The following RPS6KC1 variants were observed in gnomAD, a reference collection of about 807,000 sequenced individuals.
The protein encoded by RPS6KC1 is ribosomal protein S6 kinase C1.
RPS6KC1 carries 54 observed loss-of-function variants against 103.8 expected under a neutral mutation model. The observed-to-expected ratio is 0.52, with a 90% CI of 0.42 to 0.65. The LOEUF (loss-of-function observed/expected upper bound fraction) is 0.65. Ranked by LOEUF, RPS6KC1 falls within the 30% of genes least tolerant of loss-of-function variation. RPS6KC1 has a pLI of 0.00. For synonymous variants in RPS6KC1, 439 were observed against 438.7 expected (o/e 1.00, Z -0.01); for missense variants, 1,151 against 1,253.8 (o/e 0.92, Z 1.24).
In RPS6KC1 at chr1:213,241,930, A is replaced by G. The variant is rs750039939; in HGVS notation, c.2454A>G (p.Leu818=). 25 of 1,613,926 alleles carry G rather than the reference A, an allele frequency of 1.5e-5. No homozygotes were observed. The highest frequency in any genetic ancestry group is 1.8e-5 in the Non-Finnish European group (21 of 1,179,972). The part of the protein sequence containing the change: ...AVTANNTEES[L]FRICSPLSGA... ...CTGCAAACAACACAGAAGAAAGCTT[A>G]TTCCGTATTTGTAGTCCACTCTCAG... is the stretch of plus-strand genomic sequence containing the variant. The change falls in exon 11 of 15, where the codon TTA becomes TTG. Residue 818 remains leucine (L), a synonymous_variant. Transcript: ENST00000366960.
chr1:213,474,725 G>A, the RPS6KC1 span, among the ~76,000 whole-genome samples: 1 of 152,036 alleles, frequency 6.6e-6, no homozygotes, highest in African/African-American at 2.4e-5. Flanking sequence ...CTTAGGCTCG[G>A]TTGTCTAAAT....
At chr1:213,412,895 G>A in the RPS6KC1 span, among the ~76,000 whole-genome samples, 1 of 152,200 alleles carries the variant, frequency 6.6e-6, no homozygotes, top group Non-Finnish European at 1.5e-5. Flanking sequence ...ACTCCCCCCA[G>A]CCACAGTGCT....
chr1:213,167,258 A>G (rs1271261808), intron 6 of RPS6KC1, among the ~76,000 whole-genome samples: 1 of 152,162 alleles, frequency 6.6e-6, no homozygotes, highest in Non-Finnish European at 1.5e-5. Flanking sequence ...TATGATGGGA[A>G]GAAGAAAGGG....
chr1:213,635,020 A>C, the RPS6KC1 span, among the ~76,000 whole-genome samples: 21 of 152,232 alleles, frequency 1.4e-4, no homozygotes, highest in Non-Finnish European at 2.9e-4. Context: ...TAGAAAATCT[A>C]GAACAAATGG....
chr1:213,695,215 T>TA, the RPS6KC1 span, among the ~76,000 whole-genome samples: 1 of 152,192 alleles, frequency 6.6e-6, no homozygotes. Context: ...TAAGAATTAT[T>TA]ACAGTGAAAA....
the RPS6KC1 span, among the ~76,000 whole-genome samples, chr1:213,771,786 C>G: frequency 6.6e-6 from 1 of 152,090 alleles, no homozygotes; most frequent in Non-Finnish European, 1.5e-5. Context: ...AAAGCTTTCA[C>G]CAAAGCAATT....
At chr1:213,722,002 C>T in the RPS6KC1 span, among the ~76,000 whole-genome samples, 395 of 152,252 alleles carry the variant, frequency 2.6e-3, no homozygotes, top group Non-Finnish European at 4.5e-3. Context: ...TTCTCCCCTC[C>T]GTGCCCACTC....
At chr1:213,179,931 A>G (rs1316463463) in intron 8 of RPS6KC1, among the ~76,000 whole-genome samples, 1 of 152,172 alleles carries the variant, frequency 6.6e-6, no homozygotes, top group South Asian at 2.1e-4. Flanking sequence ...ATAGAATGAC[A>G]TCTACTGGTA....
chr1:213,435,715 A>G, the RPS6KC1 span, among the ~76,000 whole-genome samples: 1 of 152,104 alleles, frequency 6.6e-6, no homozygotes, highest in Non-Finnish European at 1.5e-5. Flanking sequence ...GTTCTTTCTA[A>G]TCCTTTCTTG....
chr1:213,792,274 C>T, the RPS6KC1 span, among the ~76,000 whole-genome samples: 8 of 152,238 alleles, frequency 5.3e-5, 1 homozygote, highest in East Asian at 1.9e-4. Flanking sequence ...TGGAAGAGTG[C>T]GATTTAGAAG....
At chr1:213,724,133 G>A in the RPS6KC1 span, among the ~76,000 whole-genome samples, 3 of 152,254 alleles carry the variant, frequency 2.0e-5, no homozygotes, top group South Asian at 4.1e-4. Context: ...AGTCGCCCAG[G>A]CTGGAGTGCA....
At chr1:213,248,005 A>C (rs1303649220) in intron 12 of RPS6KC1, among the ~76,000 whole-genome samples, 1 of 152,168 alleles carries the variant, frequency 6.6e-6, no homozygotes, top group Non-Finnish European at 1.5e-5. Flanking sequence ...TTTGGGGTGA[A>C]AGTTGAATGT....
At chr1:213,161,657 G>C (rs941932967) in intron 6 of RPS6KC1, among the ~76,000 whole-genome samples, 5 of 152,082 alleles carry the variant, frequency 3.3e-5, no homozygotes, top group Admixed American at 1.3e-4. Flanking sequence ...AGATATATCT[G>C]TTTGTGTTAA....
At chr1:213,828,584 G>A in the RPS6KC1 span, among the ~76,000 whole-genome samples, 1,996 of 152,270 alleles carry the variant, frequency 0.013, 25 homozygotes, top group Middle Eastern at 0.021. Flanking sequence ...CTAGCTGGGC[G>A]GTGGCTCAGT....
chr1:213,630,213 G>C, the RPS6KC1 span, among the ~76,000 whole-genome samples: 1 of 152,162 alleles, frequency 6.6e-6, no homozygotes, highest in East Asian at 1.9e-4. Context: ...GTCACTTTCA[G>C]GTACACCAAT....
chr1:213,406,843 T>C, the RPS6KC1 span, among the ~76,000 whole-genome samples: 10 of 152,304 alleles, frequency 6.6e-5, no homozygotes, highest in East Asian at 9.7e-4. Flanking sequence ...TGCCACATTG[T>C]TACACTGAGT....
At chr1:213,380,189 C>A in the RPS6KC1 span, among the ~76,000 whole-genome samples, 1 of 152,138 alleles carries the variant, frequency 6.6e-6, no homozygotes, top group Non-Finnish European at 1.5e-5. Context: ...CTGGATGGAG[C>A]TGGAGGCCAT....
chr1:213,825,969 A>G, the RPS6KC1 span, among the ~76,000 whole-genome samples: 4 of 152,230 alleles, frequency 2.6e-5, no homozygotes, highest in Non-Finnish European at 4.4e-5. Flanking sequence ...GGCTAATTGT[A>G]TATTAATTTC....
intron 12 of RPS6KC1, 95 bp from the exon 13 acceptor site, chr1:213,261,463 T>C: frequency 9.2e-7 from 1 of 1,089,772 alleles, no homozygotes; most frequent in Non-Finnish European, 1.4e-6. Flanking sequence ...ATATGCTCTC[T>C]CAGCATTAAA....
Sources: gnomAD v4.1 joint callset for allele counts (sites outside exome capture counted in the v4.1 genomes callset) on GRCh38, gnomAD v4.1.1 for gene constraint, MANE v1.5 for transcripts, NCBI Gene and HGNC (gene_info 2026-07-23, HGNC 2026-07-21) for gene names.